Variants in LGMN observed in about 807,000 individuals in gnomAD.
LGMN encodes asparaginyl endopeptidase.
Under a neutral mutation model 56.8 loss-of-function variants are expected in LGMN, and 36 were observed. That is an observed-to-expected ratio of 0.63 (90% CI 0.49 to 0.84). LGMN has a LOEUF of 0.84. Among genes scored for constraint, LGMN ranks in the 40% least tolerant of loss-of-function variants. LGMN has a pLI of 0.00. For missense variants in LGMN, 446 were observed against 556.1 expected (o/e 0.80, Z 1.99); for synonymous variants, 199 against 210.1 (o/e 0.95, Z 0.46).
chr14:92,709,919 A>G (rs747252118), intron 10 of LGMN, 47 bp from the exon 11 acceptor site: 1 of 1,480,252 alleles, frequency 6.8e-7, no homozygotes, highest in South Asian at 1.3e-5. Flanking sequence ...AGCGAGAGAG[A>G]GTGAGAGAAG....
chr14:92,734,575 G>A (rs1891212085), intron 1 of LGMN, among the ~76,000 whole-genome samples: 1 of 151,798 alleles, frequency 6.6e-6, no homozygotes, highest in African/African-American at 2.4e-5. Flanking sequence ...GGGAGGTGAA[G>A]GATACAGTGA....
chr14:92,704,250 C>T lies in LGMN; in HGVS notation c.*69G>A, dbSNP rs1889302467. On this transcript the variant is annotated 3_prime_UTR_variant, in exon 14 of 14. Transcript: ENST00000334869. ...GCAGCGGAGACTTCTCACTCCACCT[C>T]TCCAGTCTCTGATCAGCACACAGTC... 6.2e-7 allele frequency: 1 copy of T among 1,609,708 alleles called. No homozygotes were observed.
intron 1 of LGMN, among the ~76,000 whole-genome samples, chr14:92,742,222 C>T (rs2140280893): frequency 6.6e-6 from 1 of 152,004 alleles, no homozygotes; most frequent in East Asian, 1.9e-4. Flanking sequence ...AGCTGAGCTC[C>T]ATTCCATACT....
rs141103044 is a variant in LGMN at position 92,714,843 on chromosome 14, C to A, written c.405-392G>T. On this transcript the variant is annotated intron_variant, in intron 5 of 13. Coordinates refer to ENST00000334869, the MANE Select transcript of LGMN (RefSeq NM_005606.7). This position sits in a 1 kb window ranked among gnomAD's most constrained non-coding sequence, Gnocchi z 5.1. ...TCAACACAGGCCTGCAGCCTCCCCC[C>A]CTCCAGGCCTCCTGTGGCCCACAGT... 1.6e-4 allele frequency among the ~76,000 whole-genome samples: 24 copies of A among 152,256 alleles called. No individual in the cohort carries two copies. The highest frequency in any genetic ancestry group is 4.8e-4 in the African/African-American group (20 of 41,538).
chr14:92,705,614 A>AT (rs1267240615), intron 12 of LGMN, among the ~76,000 whole-genome samples: 1 of 152,134 alleles, frequency 6.6e-6, no homozygotes, highest in Non-Finnish European at 1.5e-5. Flanking sequence ...ACTGAGCAGG[A>AT]TGTGGCTATG....
At chr14:92,730,887 G>A (rs980830117) in intron 2 of LGMN, among the ~76,000 whole-genome samples, 13 of 150,290 alleles carry the variant, frequency 8.6e-5, no homozygotes, top group South Asian at 2.1e-4. Context: ...CCGAGATCGC[G>A]CCACTGCACT....
chr14:92,732,841 T>A (rs976990083), intron 1 of LGMN, 26 bp from the exon 2 acceptor site: 45 of 1,585,884 alleles, frequency 2.8e-5, no homozygotes, highest in African/African-American at 5.4e-5. Context: ...CAGAGTCAAG[T>A]ACAAAGCAAC....
rs1566924476 is a variant in LGMN at position 92,719,290 on chromosome 14, GCCGCCGCCGCCACCGCCGCCA to G, written c.139-467_139-447del. The stretch of plus-strand genomic sequence containing the variant: ...CGCCGCCGCCGCCACCGCCGCCGCC[GCCGCCGCCGCCACCGCCGCCA>G]CCGCCGCCGCCGCCACCGCCACCGC... On this transcript the variant is annotated intron_variant, in intron 2 of 13. Transcript: ENST00000334869. Among the ~76,000 whole-genome samples the G allele has an allele frequency of 4.9e-3, 156 of 32,106 alleles. 1 individual carries two copies. Among genetic ancestry groups the G allele is most frequent in the South Asian group, 0.013 (11 of 850 alleles). 21.1% of individuals were successfully genotyped at this position (32,106 alleles called of 152,430 possible). A position where few individuals can be genotyped will look rare whatever the true frequency, so the allele number is the denominator to read the frequency against.
chr14:92,723,006 A>G (rs1890557127), intron 2 of LGMN, among the ~76,000 whole-genome samples: 1 of 152,232 alleles, frequency 6.6e-6, no homozygotes, highest in Admixed American at 6.5e-5. Flanking sequence ...ATAGTTTCTC[A>G]AAGAGTCAAA....
At chr14:92,704,894 A>C in intron 12 of LGMN, 187 bp from the exon 13 acceptor site, 2 of 555,186 alleles carry the variant, frequency 3.6e-6, no homozygotes, top group East Asian at 3.0e-5. Flanking sequence ...AGAGGCACAC[A>C]TGCCAGGGTT....
intron 2 of LGMN, among the ~76,000 whole-genome samples, chr14:92,727,302 C>T (rs767667225): frequency 2.6e-5 from 4 of 151,754 alleles, no homozygotes; most frequent in East Asian, 3.9e-4. Flanking sequence ...TGGTGGCAGG[C>T]GCCTGTAGTC....
intron 2 of LGMN, among the ~76,000 whole-genome samples, chr14:92,724,491 G>C (rs1890648751): frequency 6.6e-6 from 1 of 152,166 alleles, no homozygotes; most frequent in Non-Finnish European, 1.5e-5. Context: ...GATACAAGTG[G>C]GGTTCAACTC....
chr14:92,741,935 G>A (rs1297294167), intron 1 of LGMN: 1 of 152,176 alleles, frequency 6.6e-6, no homozygotes, highest in East Asian at 1.9e-4. Flanking sequence ...CAGGTGACAA[G>A]AACTGTCTCC....
At chr14:92,719,890 A>AAG (rs1890366573) in intron 2 of LGMN, among the ~76,000 whole-genome samples, 1 of 152,228 alleles carries the variant, frequency 6.6e-6, no homozygotes, top group South Asian at 2.1e-4. Context: ...TCCTAGAACA[A>AAG]AGACATAAGT....
chr14:92,720,088 T>C (rs561838898), intron 2 of LGMN, among the ~76,000 whole-genome samples: 28 of 152,244 alleles, frequency 1.8e-4, no homozygotes, highest in African/African-American at 6.3e-4. Flanking sequence ...ATGACAAAGA[T>C]GGGTGCTTGG....
At chr14:92,739,365 T>TC (rs1891447443) in intron 1 of LGMN, among the ~76,000 whole-genome samples, 1 of 152,032 alleles carries the variant, frequency 6.6e-6, no homozygotes, top group Non-Finnish European at 1.5e-5. Flanking sequence ...CTCTCCAGGG[T>TC]CCCCATTACA....
At chr14:92,715,212 T>TGG (rs1890008649) in intron 5 of LGMN, among the ~76,000 whole-genome samples, 1 of 116,616 alleles carries the variant, frequency 8.6e-6, no homozygotes, top group African/African-American at 3.2e-5. Context: ...TTGGTCAGGG[T>TGG]GGGTGTGTGT....
Position 92,729,127 on chromosome 14 carries a change from C to CTT in LGMN, c.138+3520_138+3521dup, listed in dbSNP as rs55843490. Reference sequence around the variant, plus strand: ...GGCCACTTCCACCTGCTCAGCTTTTCTTTTTTTTTTTTTTTTTTTTTGTTC... The same window carrying CTT: ...GGCCACTTCCACCTGCTCAGCTTTTCTTTTTTTTTTTTTTTTTTTTTTTGTTC... On this transcript the variant is annotated intron_variant, in intron 2 of 13. Coordinates refer to ENST00000334869, the MANE Select transcript of LGMN (RefSeq NM_005606.7). 5.0e-4 allele frequency among the ~76,000 whole-genome samples: 55 copies of CTT among 110,108 alleles called. 1 individual carries two copies. Among genetic ancestry groups the CTT allele is most frequent in the African/African-American group, 1.2e-3 (33 of 27,558 alleles). The allele number at this position is 110,108 out of a possible 152,430, so 72.2% of individuals were successfully genotyped here. A position where few individuals can be genotyped will look rare whatever the true frequency, so the allele number is the denominator to read the frequency against.
intron 2 of LGMN, among the ~76,000 whole-genome samples, chr14:92,730,400 AG>A (rs1347576176): frequency 6.6e-6 from 1 of 152,242 alleles, no homozygotes; most frequent in Non-Finnish European, 1.5e-5. Flanking sequence ...ACAAAATCAA[AG>A]AATGTATGAT....
Sources: allele counts gnomAD v4.1 joint callset (sites outside exome capture counted in the v4.1 genomes callset), GRCh38; gene constraint gnomAD v4.1.1; non-coding constraint Gnocchi (gnomAD v3.1); transcripts MANE v1.5; gene names NCBI Gene and HGNC (gene_info 2026-07-23, HGNC 2026-07-21).